RBM39: variants seen among roughly 807,000 people sequenced by gnomAD.
The protein encoded by RBM39 is RNA-binding protein 39.
Under a neutral mutation model 79.6 loss-of-function variants are expected in RBM39, and 12 were observed. The observed-to-expected ratio is 0.15, with a 90% confidence interval of 0.10 to 0.24. RBM39 has a LOEUF of 0.24. Ranked by LOEUF, RBM39 falls within the 10% of genes least tolerant of loss-of-function variation. The probability of loss-of-function intolerance (pLI) is 1.00; values close to 1 mark genes in which losing one functional copy is unlikely to be tolerated. For synonymous variants in RBM39, 185 were observed against 208.4 expected (o/e 0.89, Z 0.97); for missense variants, 243 against 653.4 (o/e 0.37, Z 6.85).
chr20:35,737,410 A>T (rs1296509141), intron 3 of RBM39, among the ~76,000 whole-genome samples: 1 of 145,214 alleles, frequency 6.9e-6, no homozygotes, highest in Non-Finnish European at 1.5e-5. Flanking sequence ...AAAAAAAAAA[A>T]TTAGCCAGGC....
chr20:35,724,829 A>G (rs2038455928), intron 7 of RBM39, 107 bp from the exon 8 acceptor site: 3 of 1,344,050 alleles, frequency 2.2e-6, no homozygotes, highest in African/African-American at 1.5e-5. Context: ...ATTTAATTAA[A>G]AAAGTAAATC....
Position 35,732,007 on chromosome 20 carries a change from T to C in RBM39, c.230A>G (p.Lys77Arg), listed in dbSNP as rs1199190124. 13 of 1,614,182 alleles carry C rather than the reference T, an allele frequency of 8.1e-6. No individual in the cohort carries two copies. The highest frequency in any genetic ancestry group is 1.1e-5 in the Non-Finnish European group (13 of 1,180,030). ...TCTTGAGCGGCTCCGTCGCCTCTCTTTGCTTCTACTTCGCTTTCTTTCACG... is the reference window on the plus strand; with the variant it reads ...TCTTGAGCGGCTCCGTCGCCTCTCTCTGCTTCTACTTCGCTTTCTTTCACG... ...KSRERKRSRS[K>R]ERRRSRSRSR... The change falls in exon 4 of 17, where the codon AAA becomes AGA. Residue 77 changes from lysine (K) to arginine (R), a missense_variant. Transcript: ENST00000253363.
chr20:35,730,655 C>A (rs767010577), intron 4 of RBM39, among the ~76,000 whole-genome samples: 1 of 152,022 alleles, frequency 6.6e-6, no homozygotes, highest in Non-Finnish European at 1.5e-5. Flanking sequence ...ATGATCCCAG[C>A]AAACAAAGTA....
chr20:35,710,914 A>G (rs1600403140), intron 12 of RBM39, among the ~76,000 whole-genome samples: 3 of 152,276 alleles, frequency 2.0e-5, no homozygotes, highest in Admixed American at 2.0e-4. Context: ...TAGGGACACT[A>G]TTGTCAGGAA....
chr20:35,718,440 C>G (rs1413961010), intron 9 of RBM39, among the ~76,000 whole-genome samples: 1 of 152,022 alleles, frequency 6.6e-6, no homozygotes, highest in East Asian at 1.9e-4. Flanking sequence ...TAGGTGTGAG[C>G]TGACATGGGC....
chr20:35,713,955 A>G, intron 11 of RBM39: 1 of 504,326 alleles, frequency 2.0e-6, no homozygotes, highest in Non-Finnish European at 3.5e-6. Flanking sequence ...AACACTACAT[A>G]AAGGAAAAGA....
At chr20:35,730,280 A>C (rs1179934554) in intron 4 of RBM39, among the ~76,000 whole-genome samples, 1 of 152,206 alleles carries the variant, frequency 6.6e-6, no homozygotes, top group Admixed American at 6.5e-5. Context: ...GTGACTTTTT[A>C]AAGACCAGGC....
At chr20:35,723,173 G>A (rs1236680995) in intron 8 of RBM39, among the ~76,000 whole-genome samples, 1 of 150,708 alleles carries the variant, frequency 6.6e-6, no homozygotes, top group Non-Finnish European at 1.5e-5. Flanking sequence ...ACATAAAACT[G>A]TATCACCAAG....
At chr20:35,707,834 C>T (rs1401235587) in intron 13 of RBM39, 1 of 447,454 alleles carries the variant, frequency 2.2e-6, no homozygotes, top group Admixed American at 2.7e-5. Context: ...CCACTACTAC[C>T]AAAACATACT....
At chr20:35,705,185 C>A (rs754247117) in intron 15 of RBM39, 40 bp downstream of exon 15, 5 of 1,212,126 alleles carry the variant, frequency 4.1e-6, no homozygotes, top group Non-Finnish European at 5.9e-6. Flanking sequence ...AAGGTAGAGA[C>A]GAACAACCTA....
intron 8 of RBM39, 132 bp downstream of exon 8, chr20:35,724,438 A>G: frequency 1.2e-6 from 1 of 852,386 alleles, no homozygotes; most frequent in Non-Finnish European, 1.7e-6. Flanking sequence ...AAGTTAAAAA[A>G]AAAAAAAAAG....
At chr20:35,737,141 C>T (rs1172656910) in intron 3 of RBM39, among the ~76,000 whole-genome samples, 2 of 151,746 alleles carry the variant, frequency 1.3e-5, no homozygotes, top group East Asian at 2.0e-4. Flanking sequence ...CCTGTAATCC[C>T]AGCACTTTGG....
chr20:35,719,262 C>T (rs767068575), intron 9 of RBM39, among the ~76,000 whole-genome samples: 9 of 152,060 alleles, frequency 5.9e-5, no homozygotes, highest in Non-Finnish European at 7.4e-5. Flanking sequence ...GAACTCCTCA[C>T]CTCAAGTGAT....
intron 6 of RBM39, among the ~76,000 whole-genome samples, chr20:35,727,233 C>T (rs112406737): frequency 0.055 from 8,313 of 151,894 alleles, 310 homozygotes; most frequent in African/African-American, 0.11. Flanking sequence ...CCTATAGTCC[C>T]AGCTACTCGG....
intron 4 of RBM39, among the ~76,000 whole-genome samples, chr20:35,729,845 A>G (rs896178059): frequency 0.016 from 62 of 3,868 alleles, no homozygotes; most frequent in South Asian, 0.042. Context: ...TTGAGAATTA[A>G]AAAAAAAAAA....
intron 5 of RBM39, 48 bp from the exon 6 acceptor site, chr20:35,729,413 T>A (rs374826248): frequency 1.2e-4 from 200 of 1,608,000 alleles, no homozygotes; most frequent in Middle Eastern, 5.2e-4. Context: ...GTACAGCATG[T>A]TAGTTCCTTG....
At chr20:35,716,601 G>C (rs2037165702) in intron 10 of RBM39, 139 bp downstream of exon 10, 1 of 660,956 alleles carries the variant, frequency 1.5e-6, no homozygotes, top group Non-Finnish European at 2.7e-6. Context: ...CAGAGGCTCA[G>C]TCCTGTAATC....
At chr20:35,714,647 G>A (rs1038509353) in intron 10 of RBM39, among the ~76,000 whole-genome samples, 2 of 152,128 alleles carry the variant, frequency 1.3e-5, no homozygotes, top group Non-Finnish European at 2.9e-5. Context: ...CATGGGGATT[G>A]TGGTTAGAAA....
chr20:35,726,640 T>C (rs1052608099), intron 6 of RBM39, among the ~76,000 whole-genome samples: 4 of 152,196 alleles, frequency 2.6e-5, no homozygotes, highest in African/African-American at 9.7e-5. Flanking sequence ...CCCCAAATGA[T>C]TCTACAAATT....
Sources: gnomAD v4.1 joint callset for allele counts (sites outside exome capture counted in the v4.1 genomes callset) on GRCh38, gnomAD v4.1.1 for gene constraint, MANE v1.5 for transcripts, NCBI Gene and HGNC (gene_info 2026-07-23, HGNC 2026-07-21) for gene names.